The following PDS5A variants were observed in gnomAD, a reference collection of about 807,000 sequenced individuals.
PDS5A encodes sister chromatid cohesion protein PDS5 homolog A.
Under a neutral mutation model 167.1 loss-of-function variants are expected in PDS5A, and 42 were observed. That is an observed-to-expected ratio of 0.25 (90% CI 0.20 to 0.33). The LOEUF (loss-of-function observed/expected upper bound fraction) is 0.33. Ranked by LOEUF, PDS5A falls within the 10% of genes least tolerant of loss-of-function variation. The pLI, the probability that PDS5A is intolerant of heterozygous loss-of-function variation, is 1.00. For missense variants in PDS5A, 1,033 were observed against 1,605.9 expected (o/e 0.64, Z 6.10); for synonymous variants, 553 against 554.6 (o/e 1.00, Z 0.04).
Position 39,926,760 on chromosome 4 carries a change from T to G in PDS5A, c.429+15A>C, listed in dbSNP as rs780374224. On this transcript the variant is annotated intron_variant, in intron 4 of 32. Transcript: ENST00000303538. Reference sequence around the variant, plus strand: ...GAAATAATGTTAATAGTTATTAAAGTTTTTTTTTTTTTACCTCTAATAAAT... The same window carrying G: ...GAAATAATGTTAATAGTTATTAAAGGTTTTTTTTTTTTACCTCTAATAAAT... The G allele has an allele frequency of 5.5e-4, 336 of 609,988 alleles. No homozygotes were observed. Among genetic ancestry groups the G allele is most frequent in the Non-Finnish European group, 7.2e-4 (316 of 441,160 alleles). The allele number at this position is 609,988 out of a possible 1,614,324, so 37.8% of individuals were successfully genotyped here.
chr4:39,893,476 G>A (rs1242009551), intron 16 of PDS5A, among the ~76,000 whole-genome samples: 1 of 152,112 alleles, frequency 6.6e-6, no homozygotes, highest in Non-Finnish European at 1.5e-5. Context: ...TCTACCTCTT[G>A]AGAAGTGAGA....
chr4:39,922,542 T>C (rs1725081628), intron 6 of PDS5A, 80 bp downstream of exon 6: 2 of 1,219,840 alleles, frequency 1.6e-6, no homozygotes. Flanking sequence ...GGATTGCAAA[T>C]GGCCATAAAA....
At chr4:39,910,925 G>A (rs543145024) in intron 9 of PDS5A, among the ~76,000 whole-genome samples, 46 of 152,124 alleles carry the variant, frequency 3.0e-4, no homozygotes, top group Non-Finnish European at 5.9e-4. Flanking sequence ...TTGCACTCAG[G>A]AGTTCAAGAT....
rs768876788 is a variant in PDS5A at position 39,844,778 on chromosome 4, A to C, written c.3426T>G (p.Gly1142=). The C allele has an allele frequency of 1.2e-6, 2 of 1,609,524 alleles. No individual in the cohort carries two copies. Among genetic ancestry groups the C allele is most frequent in the Admixed American group, 3.4e-5 (2 of 58,544 alleles). ...TTGCTGATAAAGGCTTATTTACTGC[A>C]CCTAGTACTCCAGCAGGCTTTGGCT... The part of the protein sequence containing the change: ...TGKPKPAGVL[G]AVNKPLSATG... The change falls in exon 30 of 33, where the codon GGT becomes GGG. Residue 1142 remains glycine (G), a synonymous_variant. Coordinates refer to ENST00000303538, the MANE Select transcript of PDS5A (RefSeq NM_001100399.2).
intron 9 of PDS5A, 59 bp downstream of exon 9, chr4:39,913,552 G>A: frequency 3.4e-6 from 3 of 874,720 alleles, no homozygotes; most frequent in Non-Finnish European, 5.9e-6. Context: ...TAATCAAGTG[G>A]ACTGCACCCT....
chr4:39,900,608 C>A, intron 13 of PDS5A, 101 bp from the exon 14 acceptor site: 1 of 697,566 alleles, frequency 1.4e-6, no homozygotes, highest in South Asian at 1.7e-5. Context: ...CACCATTCTT[C>A]TACATCTACC....
chr4:39,897,866 G>GA (rs746347132), intron 16 of PDS5A: 6,257 of 151,490 alleles, frequency 0.041, 4 homozygotes, highest in Non-Finnish European at 0.059. Flanking sequence ...ACTATCTCAG[G>GA]AAAAAAAAAA....
chr4:39,970,625 G>C lies in PDS5A; in HGVS notation c.138+5815C>G, dbSNP rs2732057. 2.9e-4 allele frequency among the ~76,000 whole-genome samples: 44 copies of C among 151,498 alleles called. 1 individual carries two copies. Among genetic ancestry groups the C allele is most frequent in the African/African-American group, 1.0e-3 (42 of 41,058 alleles). On this transcript the variant is annotated intron_variant, in intron 2 of 32. Transcript: ENST00000303538. Reference sequence around the variant, plus strand: ...CAACCAAAGTAAATATGGCGTTATTGCCCCTGCCCTCTGCCACTAAACTGC... The same window carrying C: ...CAACCAAAGTAAATATGGCGTTATTCCCCCTGCCCTCTGCCACTAAACTGC...
chr4:39,936,369 T>G (rs1726601546), intron 2 of PDS5A, among the ~76,000 whole-genome samples: 1 of 152,170 alleles, frequency 6.6e-6, no homozygotes, highest in Non-Finnish European at 1.5e-5. Flanking sequence ...TCAGGTTTCC[T>G]ATAGCCTCCT....
chr4:39,953,292 G>C (rs78308926), intron 2 of PDS5A, among the ~76,000 whole-genome samples: 1 of 152,094 alleles, frequency 6.6e-6, no homozygotes, highest in African/African-American at 2.4e-5. Flanking sequence ...CACCGTGGCT[G>C]GGGTAACTGA....
rs1274174315 is a variant in PDS5A at position 39,908,386 on chromosome 4, A to G, written c.1233+9T>C. 8 of 1,608,334 alleles carry G rather than the reference A, an allele frequency of 5.0e-6. No homozygotes were observed. The highest frequency in any genetic ancestry group is 6.8e-6 in the Non-Finnish European group (8 of 1,175,818). ...AAATTACAGAAGAATAAAATGCCTCAGATTTTACCCGTTTATCCAGTGTTC... is the reference window on the plus strand; with the variant it reads ...AAATTACAGAAGAATAAAATGCCTCGGATTTTACCCGTTTATCCAGTGTTC... On this transcript the variant is annotated intron_variant, in intron 11 of 32. Coordinates refer to ENST00000303538, the MANE Select transcript of PDS5A (RefSeq NM_001100399.2).
chr4:39,916,895 G>A (rs1263667002), intron 8 of PDS5A, among the ~76,000 whole-genome samples, 153 bp downstream of exon 8: 1 of 151,362 alleles, frequency 6.6e-6, no homozygotes, highest in Non-Finnish European at 1.5e-5. Context: ...ATAAATTGAA[G>A]TCACACTTTA....
At chr4:39,878,519 C>T (rs553685927) in intron 18 of PDS5A, among the ~76,000 whole-genome samples, 1 of 151,998 alleles carries the variant, frequency 6.6e-6, no homozygotes, top group South Asian at 2.1e-4. Context: ...ATGGCGTGAA[C>T]CTGGGAGGCG....
intron 21 of PDS5A, among the ~76,000 whole-genome samples, chr4:39,871,904 C>G (rs1297451743): frequency 6.6e-6 from 1 of 151,948 alleles, no homozygotes; most frequent in Non-Finnish European, 1.5e-5. Context: ...CAGGGTTTCA[C>G]CATGTTGGCT....
At chr4:39,900,955 C>T (rs1435014691) in intron 13 of PDS5A, among the ~76,000 whole-genome samples, 2 of 152,150 alleles carry the variant, frequency 1.3e-5, no homozygotes, top group Non-Finnish European at 2.9e-5. Context: ...ATACATGAAG[C>T]ACTATAGACT....
intron 17 of PDS5A, among the ~76,000 whole-genome samples, chr4:39,888,577 T>C (rs932234986): frequency 5.9e-5 from 9 of 151,842 alleles, no homozygotes; most frequent in Non-Finnish European, 1.3e-4. Flanking sequence ...AAATGTGGTA[T>C]ATATGTACAA....
intron 11 of PDS5A, among the ~76,000 whole-genome samples, chr4:39,906,285 T>A (rs1467904624): frequency 3.9e-5 from 6 of 152,042 alleles, no homozygotes; most frequent in Non-Finnish European, 5.9e-5. Flanking sequence ...GGAGGATCGC[T>A]TGAGCCTGGG....
In PDS5A at chr4:39,971,128, T is replaced by C. The variant is rs1730494251; in HGVS notation, c.138+5312A>G. 2.0e-5 allele frequency among the ~76,000 whole-genome samples: 3 copies of C among 151,664 alleles called. No homozygotes were observed. In the South Asian group the frequency reaches 6.2e-4, roughly 31 times the overall value. ...AGGACCAAACACCGCTGAATTCCTT[T>C]GTAATTGCCTTTAAGATGTTTTTTG... On this transcript the variant is annotated intron_variant, in intron 2 of 32. Coordinates refer to ENST00000303538, the MANE Select transcript of PDS5A (RefSeq NM_001100399.2).
chr4:39,918,199 AAAC>A (rs1724577313), intron 7 of PDS5A, among the ~76,000 whole-genome samples: 1 of 151,464 alleles, frequency 6.6e-6, no homozygotes, highest in Admixed American at 6.6e-5. Context: ...AAAAAAAAAA[AAAC>A]AGAATAATTT....
Sources: gnomAD v4.1 joint callset for allele counts (sites outside exome capture counted in the v4.1 genomes callset) on GRCh38, gnomAD v4.1.1 for gene constraint, MANE v1.5 for transcripts, NCBI Gene and HGNC (gene_info 2026-07-23, HGNC 2026-07-21) for gene names.